The following ZNF205 variants were observed in gnomAD, a reference collection of about 807,000 sequenced individuals.
ZNF205 encodes zinc finger protein 205.
ZNF205 carries 32 observed loss-of-function variants against 53.6 expected under a neutral mutation model. The observed-to-expected ratio is 0.60, with a 90% CI of 0.45 to 0.80. The LOEUF (loss-of-function observed/expected upper bound fraction) is 0.80. Ranked by LOEUF, ZNF205 falls within the 30% of genes least tolerant of loss-of-function variation. The pLI is 0.00. For missense variants in ZNF205, 836 were observed against 782.4 expected, an observed-to-expected ratio of 1.07 and a Z score of -0.82; for synonymous variants, 382 against 334.3, an observed-to-expected ratio of 1.14 and a Z score of -1.56.
intron 1 of ZNF205, 89 bp from the exon 2 acceptor site, chr16:3,113,328 G>T: frequency 7.5e-7 from 1 of 1,325,084 alleles, no homozygotes; most frequent in Non-Finnish European, 1.1e-6. Context: ...AGCGAGGGCT[G>T]GTTTCTGTCT....
intron 5 of ZNF205, among the ~76,000 whole-genome samples, chr16:3,118,097 C>G (rs925326649): frequency 1.4e-5 from 2 of 146,262 alleles, no homozygotes; most frequent in African/African-American, 5.1e-5. Context: ...CTCCTGACCT[C>G]GTGATCCGCC....
chr16:3,116,417 A>G lies in ZNF205; in HGVS notation c.364-10A>G, dbSNP rs761668318. The G allele has an allele frequency of 2.6e-5, 42 of 1,613,648 alleles. No homozygotes were observed. The East Asian group carries it at 3.3e-4, about 13-fold the overall frequency. ...ATGTCCTGGAGAGTGGATGTTTCAC[A>G]TTGTTTCAGATGCCAGTGACTTTCG... On this transcript the variant is annotated splice_polypyrimidine_tract_variant and intron_variant, in intron 4 of 6. Coordinates refer to ENST00000219091, the MANE Select transcript of ZNF205 (RefSeq NM_001042428.2).
At chr16:3,112,910 G>C (rs1957286460) in intron 1 of ZNF205, 1 of 195,406 alleles carries the variant, frequency 5.1e-6, no homozygotes, top group Non-Finnish European at 1.1e-5. Context: ...GCTGAGAGCG[G>C]GCAGGTTGAT....
At chr16:3,118,012 C>CT (rs71158135) in intron 5 of ZNF205, among the ~76,000 whole-genome samples, 22,843 of 73,704 alleles carry the variant, frequency 0.31, 4,235 homozygotes, top group East Asian at 0.42. Flanking sequence ...CCATGCCCGG[C>CT]TTTTTTTTTT....
chr16:3,119,962 G>T lies in ZNF205; in HGVS notation c.1302G>T (p.Ala434=). Residue 434 remains alanine (A), a synonymous_variant, in exon 7 of 7, where the codon GCG becomes GCT. Transcript: ENST00000219091. ...ICAKCFTQSS[A]LVTHQRTHTG... ...CCAAGTGCTTCACGCAGAGCTCGGC[G>T]CTAGTCACCCACCAGCGCACCCACA... is the stretch of plus-strand genomic sequence containing the variant. The T allele has an allele frequency of 6.2e-7, 1 of 1,613,156 alleles. No homozygotes were observed. The highest frequency in any genetic ancestry group is 8.5e-7 in the Non-Finnish European group (1 of 1,179,852).
chr16:3,120,098 G>T lies in ZNF205; in HGVS notation c.1438G>T (p.Asp480Tyr). 3 of 1,613,438 alleles carry T rather than the reference G, an allele frequency of 1.9e-6. No individual in the cohort carries two copies. The highest frequency in any genetic ancestry group is 2.5e-6 in the Non-Finnish European group (3 of 1,179,788). The change falls in exon 7 of 7, where the codon GAC becomes TAC. Residue 480 changes from aspartate (D) to tyrosine (Y), a missense_variant. Asp to Tyr is a radical substitution (Grantham distance 160). Transcript: ENST00000219091. ...HTGEKPYHCL[D>Y]CGKSFSHSSH... Reference sequence around the variant, plus strand: ...AGGCGAGAAGCCCTACCACTGCCTCGACTGCGGCAAGAGCTTCAGCCACAG... The same window carrying T: ...AGGCGAGAAGCCCTACCACTGCCTCTACTGCGGCAAGAGCTTCAGCCACAG...
At chr16:3,118,249 G>A (rs535072816) in intron 5 of ZNF205, among the ~76,000 whole-genome samples, 13 of 152,046 alleles carry the variant, frequency 8.6e-5, no homozygotes, top group Admixed American at 2.0e-4. Flanking sequence ...CCCGCTGGCT[G>A]GCACCAGGGA....
chr16:3,117,549 G>C (rs1478878379), intron 5 of ZNF205, among the ~76,000 whole-genome samples: 1 of 138,190 alleles, frequency 7.2e-6, no homozygotes, highest in African/African-American at 2.7e-5. Flanking sequence ...CTGGGTTCAA[G>C]TGATCCTCCT....
chr16:3,113,509 G>A, intron 2 of ZNF205, 22 bp downstream of exon 2: 2 of 1,612,214 alleles, frequency 1.2e-6, no homozygotes, highest in East Asian at 2.2e-5. Context: ...GCTGGCTGAG[G>A]GAGGTGTGCG....
At chr16:3,116,175 C>T in intron 4 of ZNF205, 1 of 654,052 alleles carries the variant, frequency 1.5e-6, no homozygotes, top group South Asian at 2.0e-5. Context: ...GAGGTCTCAG[C>T]TGAGGCTGGG....
At chr16:3,114,725 G>A (rs989409729) in intron 2 of ZNF205, 21 of 152,216 alleles carry the variant, frequency 1.4e-4, no homozygotes, top group Admixed American at 1.3e-3. Flanking sequence ...GAGGCCTGCA[G>A]TCCAAAATCT....
rs774642701 is a variant in ZNF205 at position 3,118,889 on chromosome 16, A to T, written c.485-16A>T. On this transcript the variant is annotated splice_polypyrimidine_tract_variant and intron_variant, in intron 5 of 6. Transcript: ENST00000219091. Reference sequence around the variant, plus strand: ...GCCAGAAGGCCTGTGACAGCACAGCATCTCTTTCTGGGCAGGCTTTCCCTT... The same window carrying T: ...GCCAGAAGGCCTGTGACAGCACAGCTTCTCTTTCTGGGCAGGCTTTCCCTT... 7 of 1,612,386 alleles carry T rather than the reference A, an allele frequency of 4.3e-6. No individual in the cohort carries two copies. Among genetic ancestry groups the T allele is most frequent in the African/African-American group, 4.0e-5 (3 of 74,914 alleles).
At position 3,119,378 on chromosome 16, in the gene ZNF205, G is replaced by A. The variant is rs1300034468; in HGVS notation, c.718G>A (p.Ala240Thr). 1 of 1,611,960 alleles carries A rather than the reference G, an allele frequency of 6.2e-7. No individual in the cohort carries two copies. Among genetic ancestry groups the A allele is most frequent in the East Asian group, 2.2e-5 (1 of 44,856 alleles). ...CGTCCCGCAGTGCGCGCAGGAAGCA[G>A]CCTGCGGCCGGAGCTCAGGGCCGGC... Reference protein sequence around the residue: ...WGVPQCAQEAACGRSSGPAKD... With the variant: ...WGVPQCAQEATCGRSSGPAKD... Residue 240 changes from alanine (A) to threonine (T), a missense_variant, in exon 7 of 7, where the codon GCC becomes ACC. Coordinates refer to ENST00000219091, the MANE Select transcript of ZNF205 (RefSeq NM_001042428.2).
At position 3,115,813 on chromosome 16, in the gene ZNF205, CT is replaced by C. The variant is rs758086860; in HGVS notation, c.272-15del. On this transcript the variant is annotated splice_polypyrimidine_tract_variant and intron_variant, in intron 3 of 6. Transcript: ENST00000219091. The stretch of plus-strand genomic sequence containing the variant: ...AGGATGAGCTGATCACCGTGAGGAC[CT>C]CTCTCCTCCCACAGCCCTCCCCTCC... 2 of 1,605,832 alleles carry C rather than the reference CT, an allele frequency of 1.2e-6. No homozygotes were observed. The highest frequency in any genetic ancestry group is 3.4e-5 in the Admixed American group (2 of 59,032).
In ZNF205 at chr16:3,119,601, G is replaced by T; in HGVS notation, c.941G>T (p.Gly314Val). ...AAGAGCTACCGGTGCGAGCAGTGCG[G>T]CAAGGGCTTCAGCTGGCACTCGCAC... is the stretch of plus-strand genomic sequence containing the variant. Reference protein sequence around the residue: ...GRKSYRCEQCGKGFSWHSHLV... With the variant: ...GRKSYRCEQCVKGFSWHSHLV... Residue 314 changes from glycine to valine, a missense_variant, in exon 7 of 7, where the codon GGC (glycine) becomes GTC (valine). Physicochemically the swap from Gly to Val is moderately radical, Grantham distance 109. Transcript: ENST00000219091. 1.2e-6 allele frequency: 2 copies of T among 1,610,074 alleles called. No individual in the cohort carries two copies. Among genetic ancestry groups the T allele is most frequent in the Non-Finnish European group, 1.7e-6 (2 of 1,178,698 alleles).
At chr16:3,118,561 T>A (rs929169272) in intron 5 of ZNF205, among the ~76,000 whole-genome samples, 1 of 152,188 alleles carries the variant, frequency 6.6e-6, no homozygotes, top group Non-Finnish European at 1.5e-5. Flanking sequence ...CTGGCCCTCC[T>A]GTCCCAGGTC....
At chr16:3,115,957 G>A in intron 4 of ZNF205, 37 bp downstream of exon 4, 1 of 1,590,676 alleles carries the variant, frequency 6.3e-7, no homozygotes, top group Middle Eastern at 1.7e-4. Flanking sequence ...ATGGTACTCA[G>A]CCCTTCCTGC....
Position 3,118,459 on chromosome 16 carries a change from C to T in ZNF205, c.485-446C>T, listed in dbSNP as rs534052734. 3.3e-5 allele frequency among the ~76,000 whole-genome samples: 5 copies of T among 152,304 alleles called. No individual in the cohort carries two copies. The South Asian group carries it at 1.0e-3, about 32-fold the overall frequency. Reference sequence around the variant, plus strand: ...CTCCCACGGGTGGTGGAAGCCAGGGCCCCCTCTGCTCTCTTACTGACTTGA... The same window carrying T: ...CTCCCACGGGTGGTGGAAGCCAGGGTCCCCTCTGCTCTCTTACTGACTTGA... On this transcript the variant is annotated intron_variant, in intron 5 of 6. Coordinates refer to ENST00000219091, the MANE Select transcript of ZNF205 (RefSeq NM_001042428.2).
In ZNF205 at chr16:3,112,655, C is replaced by T. The variant is rs1212154151; in HGVS notation, c.-42C>T. 2 of 304,900 alleles carry T rather than the reference C, an allele frequency of 6.6e-6. No homozygotes were observed. The highest frequency in any genetic ancestry group is 2.8e-5 in the South Asian group (1 of 36,162). 18.9% of individuals were successfully genotyped at this position (304,900 alleles called of 1,614,324 possible). A position where few individuals can be genotyped will look rare whatever the true frequency, so the allele number is the denominator to read the frequency against. ...TCCCGGGGGAGGGGGCCCCCACTGC[C>T]GCAGGTGCCCCCTCTGCCTCCACCC... On this transcript the variant is annotated 5_prime_UTR_variant, in exon 1 of 7. Transcript: ENST00000219091.
Sources: gnomAD v4.1 joint callset for allele counts (sites outside exome capture counted in the v4.1 genomes callset) on GRCh38, gnomAD v4.1.1 for gene constraint, MANE v1.5 for transcripts, NCBI Gene and HGNC (gene_info 2026-07-23, HGNC 2026-07-21) for gene names.